SHROOM3: variants seen among roughly 807,000 people sequenced by gnomAD.
SHROOM3 encodes the protein shroom family member 3.
In SHROOM3, 47 loss-of-function variants were observed where a neutral mutation model predicts 138.6. That is an observed-to-expected ratio of 0.34 (90% CI 0.27 to 0.43). The LOEUF is 0.43. Ranked by LOEUF, SHROOM3 falls within the 20% of genes least tolerant of loss-of-function variation. The pLI is 1.00. For synonymous variants in SHROOM3, 1,062 were observed against 1,063.3 expected, an observed-to-expected ratio of 1.00 and a Z score of 0.02; for missense variants, 2,491 against 2,596.5, an observed-to-expected ratio of 0.96 and a Z score of 0.88.
intron 4 of SHROOM3, among the ~76,000 whole-genome samples, chr4:76,732,783 C>T (rs1358254167): frequency 6.6e-6 from 1 of 152,212 alleles, no homozygotes; most frequent in Non-Finnish European, 1.5e-5. Context: ...TCTCCCCTTA[C>T]CCCTACGGTG....
intron 1 of SHROOM3, among the ~76,000 whole-genome samples, chr4:76,528,548 CT>C (rs35121750): frequency 0.11 from 13,770 of 124,976 alleles, 1,119 homozygotes; most frequent in East Asian, 0.34. Flanking sequence ...TTCTTTCTTT[CT>C]TTTTTTTTTT....
chr4:76,487,658 C>CT (rs1731761138), intron 1 of SHROOM3, among the ~76,000 whole-genome samples: 1 of 149,948 alleles, frequency 6.7e-6, no homozygotes, highest in Non-Finnish European at 1.5e-5. Context: ...TTGAAATGTA[C>CT]TACTGGGTTA....
chr4:76,667,470 T>A (rs1168354366), intron 2 of SHROOM3, among the ~76,000 whole-genome samples: 1 of 151,992 alleles, frequency 6.6e-6, no homozygotes, highest in Non-Finnish European at 1.5e-5. Context: ...GCATGTGCCA[T>A]CATACCCAGA....
chr4:76,663,228 C>T lies in SHROOM3; in HGVS notation c.324-46928C>T, dbSNP rs1017018554. On this transcript the variant is annotated intron_variant, in intron 2 of 10. Coordinates refer to ENST00000296043, the MANE Select transcript of SHROOM3 (RefSeq NM_020859.4). ...AAGTTATACTTTGTCAGCTTGAAAC[C>T]AACTGGGTAGGGAAGGAGCCATTGG... Among the ~76,000 whole-genome samples, 3 of 151,780 alleles carry T rather than the reference C, an allele frequency of 2.0e-5. No individual in the cohort carries two copies. In the East Asian group the frequency reaches 5.8e-4, roughly 29 times the overall value.
intron 2 of SHROOM3, among the ~76,000 whole-genome samples, chr4:76,591,224 AG>A (rs1410250129): frequency 6.6e-6 from 1 of 152,230 alleles, no homozygotes; most frequent in African/African-American, 2.4e-5. Flanking sequence ...TATTTCAGGA[AG>A]GCACACGGCC....
intron 1 of SHROOM3, among the ~76,000 whole-genome samples, chr4:76,518,853 A>G (rs887507128): frequency 1.3e-5 from 2 of 152,216 alleles, no homozygotes; most frequent in Non-Finnish European, 2.9e-5. Flanking sequence ...AGCAAAAAGA[A>G]GATATTTATT....
chr4:76,614,033 TTTTGTTTGTTTG>T (rs71212434), intron 2 of SHROOM3, among the ~76,000 whole-genome samples: 91 of 150,432 alleles, frequency 6.0e-4, no homozygotes, highest in Admixed American at 1.1e-3. Flanking sequence ...TCGTTTTTTG[TTTTGTTTGTTTG>T]TTTGTTTGTT....
At chr4:76,552,119 C>G (rs532311316) in intron 1 of SHROOM3, among the ~76,000 whole-genome samples, 70 of 150,440 alleles carry the variant, frequency 4.7e-4, no homozygotes, top group African/African-American at 1.4e-3. Flanking sequence ...CCTCGGCCCC[C>G]CTAAATTGCT....
intron 6 of SHROOM3, among the ~76,000 whole-genome samples, chr4:76,752,552 G>A (rs1721661854): frequency 6.6e-6 from 1 of 151,744 alleles, no homozygotes; most frequent in Non-Finnish European, 1.5e-5. Flanking sequence ...TAGGATTCCT[G>A]GATACATATC....
chr4:76,577,896 A>G (rs966200640), intron 2 of SHROOM3, among the ~76,000 whole-genome samples: 12 of 152,242 alleles, frequency 7.9e-5, no homozygotes, highest in African/African-American at 2.4e-4. Flanking sequence ...TTAGGTAAAT[A>G]AAGGTAGATA....
At position 76,664,334 on chromosome 4, in the gene SHROOM3, T is replaced by C. The variant is rs897015914; in HGVS notation, c.324-45822T>C. Among the ~76,000 whole-genome samples the C allele has an allele frequency of 4.6e-5, 7 of 152,198 alleles. No individual in the cohort carries two copies. The highest frequency in any genetic ancestry group is 1.4e-4 in the African/African-American group (6 of 41,422). ...AAAGAGCTTACTGAACCTAACTTCT[T>C]TGGAGAACATCTGTGTAGCCATATG... On this transcript the variant is annotated intron_variant, in intron 2 of 10. Transcript: ENST00000296043. This position sits in a 1 kb window ranked among gnomAD's most constrained non-coding sequence, Gnocchi z 4.2.
At chr4:76,489,206 G>A (rs1201922447) in intron 1 of SHROOM3, among the ~76,000 whole-genome samples, 1 of 152,186 alleles carries the variant, frequency 6.6e-6, no homozygotes, top group African/African-American at 2.4e-5. Context: ...ATGTCAACAG[G>A]CACAGATCTA....
chr4:76,680,197 G>A (rs1373351651), intron 2 of SHROOM3, among the ~76,000 whole-genome samples: 1 of 148,190 alleles, frequency 6.7e-6, no homozygotes, highest in Non-Finnish European at 1.5e-5. Context: ...CTGGAGTACA[G>A]TGGCGCAATC....
At chr4:76,516,594 TAG>T (rs1732448929) in intron 1 of SHROOM3, among the ~76,000 whole-genome samples, 2 of 149,486 alleles carry the variant, frequency 1.3e-5, no homozygotes, top group African/African-American at 2.5e-5. Context: ...GAGCATGATT[TAG>T]AAAAAAAAAA....
intron 1 of SHROOM3, among the ~76,000 whole-genome samples, chr4:76,530,244 C>T (rs574193763): frequency 2.6e-5 from 4 of 152,272 alleles, no homozygotes; most frequent in East Asian, 3.9e-4. Flanking sequence ...TGTGATAACA[C>T]AGAGATTAAC....
At chr4:76,479,765 A>T (rs1446955590) in intron 1 of SHROOM3, among the ~76,000 whole-genome samples, 5 of 152,240 alleles carry the variant, frequency 3.3e-5, no homozygotes, top group Admixed American at 3.3e-4. Context: ...AGAGCCCATC[A>T]GGCTAACAGT....
At chr4:76,519,276 G>T (rs905269167) in intron 1 of SHROOM3, among the ~76,000 whole-genome samples, 4 of 152,258 alleles carry the variant, frequency 2.6e-5, no homozygotes, top group Admixed American at 2.0e-4. Flanking sequence ...TAGGGGTCAG[G>T]GAGTAGTCAT....
At chr4:76,452,349 C>T (rs986558953) in intron 1 of SHROOM3, among the ~76,000 whole-genome samples, 2 of 152,202 alleles carry the variant, frequency 1.3e-5, no homozygotes, top group Admixed American at 6.5e-5. Flanking sequence ...TCTTCCCAAA[C>T]TGAAACTCTG....
intron 6 of SHROOM3, among the ~76,000 whole-genome samples, chr4:76,752,965 T>C (rs1365428316): frequency 7.9e-5 from 12 of 152,196 alleles, no homozygotes. Context: ...TTAAAAACAG[T>C]TTGTATGCTA....
Sources: gnomAD v4.1 joint callset for allele counts (sites outside exome capture counted in the v4.1 genomes callset) on GRCh38, gnomAD v4.1.1 for gene constraint, Gnocchi (gnomAD v3.1) non-coding constraint, MANE v1.5 for transcripts, NCBI Gene and HGNC (gene_info 2026-07-23, HGNC 2026-07-21) for gene names.